The following SND1 variants were observed in gnomAD, a reference collection of about 807,000 sequenced individuals.
The protein encoded by SND1 is staphylococcal nuclease and tudor domain containing 1.
Under a neutral mutation model 121.7 loss-of-function variants are expected in SND1, and 38 were observed. The ratio of observed to expected loss-of-function variants is 0.31; its 90% CI spans 0.24 to 0.41. SND1 has a LOEUF of 0.41. SND1 is among the 10% of genes least tolerant of loss of function. The pLI, the probability that SND1 is intolerant of heterozygous loss-of-function variation, is 1.00. For synonymous variants in SND1, 401 were observed against 447.4 expected (o/e 0.90, Z 1.31); for missense variants, 868 against 1,184.6 (o/e 0.73, Z 3.92).
In SND1 at chr7:127,764,972, G is replaced by A. The variant is rs937766457; in HGVS notation, c.1153-42512G>A. 3.3e-5 allele frequency among the ~76,000 whole-genome samples: 5 copies of A among 152,128 alleles called. No individual in the cohort carries two copies. The East Asian group carries it at 5.8e-4, about 18-fold the overall frequency. The stretch of plus-strand genomic sequence containing the variant: ...TGGTTTCCCCCTTGAATAGAGATGG[G>A]GGTTGGTGTCGCTGTTGATGAATGG... On this transcript the variant is annotated intron_variant, in intron 10 of 23. Transcript: ENST00000354725.
intron 12 of SND1, among the ~76,000 whole-genome samples, chr7:127,871,407 C>G (rs768550556): frequency 2.0e-5 from 3 of 152,126 alleles, no homozygotes; most frequent in Non-Finnish European, 2.9e-5. Flanking sequence ...CCAGCATCAC[C>G]ACAAACTTGT....
chr7:127,976,211 C>T (rs1040171934), intron 15 of SND1, among the ~76,000 whole-genome samples: 1 of 152,194 alleles, frequency 6.6e-6, no homozygotes, highest in Non-Finnish European at 1.5e-5. Context: ...GTAATCAGTC[C>T]TCGCCACTCC....
intron 10 of SND1, among the ~76,000 whole-genome samples, chr7:127,803,244 T>C (rs548616092): frequency 3.3e-4 from 50 of 152,276 alleles, no homozygotes; most frequent in Non-Finnish European, 4.9e-4. Context: ...GAGTTTTTGA[T>C]AAAATCAATC....
intron 10 of SND1, among the ~76,000 whole-genome samples, chr7:127,758,254 A>T (rs756733481): frequency 6.6e-6 from 1 of 152,222 alleles, no homozygotes; most frequent in Non-Finnish European, 1.5e-5. Context: ...CAAACAAGGA[A>T]ATCAAAGCTC....
intron 12 of SND1, among the ~76,000 whole-genome samples, chr7:127,885,635 G>T (rs1187466421): frequency 6.6e-6 from 1 of 152,058 alleles, no homozygotes; most frequent in Non-Finnish European, 1.5e-5. Context: ...GGCCAGGCAG[G>T]TACTCAGTAA....
At chr7:128,007,625 G>A (rs949578309) in intron 16 of SND1, among the ~76,000 whole-genome samples, 1 of 152,204 alleles carries the variant, frequency 6.6e-6, no homozygotes, top group African/African-American at 2.4e-5. Flanking sequence ...GATGGAAGAA[G>A]GCAAAGCAAA....
chr7:127,769,550 T>A (rs773052675), intron 10 of SND1, among the ~76,000 whole-genome samples: 1 of 152,190 alleles, frequency 6.6e-6, no homozygotes, highest in Non-Finnish European at 1.5e-5. Context: ...CTGGTTTCTC[T>A]CTGTTACTTA....
At chr7:127,991,586 C>A (rs1802525705) in intron 16 of SND1, among the ~76,000 whole-genome samples, 1 of 152,198 alleles carries the variant, frequency 6.6e-6, no homozygotes, top group Non-Finnish European at 1.5e-5. Context: ...AAGCCTTCAT[C>A]AACAGATCCA....
At chr7:127,979,472 C>T (rs574068838) in intron 15 of SND1, among the ~76,000 whole-genome samples, 8 of 152,166 alleles carry the variant, frequency 5.3e-5, no homozygotes, top group Non-Finnish European at 1.0e-4. Context: ...AGCAGGGGTA[C>T]GAGCTGGAGT....
chr7:127,677,521 A>G (rs1276276236), intron 1 of SND1, among the ~76,000 whole-genome samples: 2 of 152,132 alleles, frequency 1.3e-5, no homozygotes, highest in Non-Finnish European at 2.9e-5. Context: ...TTTTCATCTC[A>G]CTCGCTTGTC....
intron 10 of SND1, among the ~76,000 whole-genome samples, chr7:127,745,030 A>G (rs1157481032): frequency 6.6e-6 from 1 of 152,226 alleles, no homozygotes; most frequent in Non-Finnish European, 1.5e-5. Context: ...TTAAACTATA[A>G]AAATAATACC....
At chr7:127,734,152 T>C in intron 10 of SND1, among the ~76,000 whole-genome samples, 1 of 152,120 alleles carries the variant, frequency 6.6e-6, no homozygotes, top group Non-Finnish European at 1.5e-5. Context: ...CAGTAATATC[T>C]CTGCAATTTC....
chr7:128,005,449 G>A (rs563076391), intron 16 of SND1, among the ~76,000 whole-genome samples: 2 of 152,294 alleles, frequency 1.3e-5, no homozygotes, highest in East Asian at 1.9e-4. Context: ...GCCCCCTTGT[G>A]TTTCTGTAAT....
intron 13 of SND1, among the ~76,000 whole-genome samples, chr7:127,889,002 G>C (rs147778593): frequency 6.6e-6 from 1 of 152,034 alleles, no homozygotes; most frequent in Non-Finnish European, 1.5e-5. Flanking sequence ...CTCTAACACC[G>C]TGTCACATCC....
chr7:127,999,349 T>C (rs1047643778), intron 16 of SND1: 10 of 151,842 alleles, frequency 6.6e-5, no homozygotes, highest in Non-Finnish European at 1.0e-4. Flanking sequence ...GTTTTATGTT[T>C]TCTCTGTCAG....
At chr7:127,753,799 T>G (rs1170217752) in intron 10 of SND1, among the ~76,000 whole-genome samples, 1 of 152,208 alleles carries the variant, frequency 6.6e-6, no homozygotes, top group Non-Finnish European at 1.5e-5. Context: ...AAATTTGTCT[T>G]TACTACTGAA....
intron 10 of SND1, among the ~76,000 whole-genome samples, chr7:127,748,693 T>C (rs1244832279): frequency 6.6e-6 from 1 of 152,198 alleles, no homozygotes; most frequent in Non-Finnish European, 1.5e-5. Context: ...ACTACATGAA[T>C]TGGTCTGTTA....
chr7:127,829,192 A>C (rs2116620420), intron 11 of SND1, among the ~76,000 whole-genome samples: 1 of 152,294 alleles, frequency 6.6e-6, no homozygotes, highest in Non-Finnish European at 1.5e-5. Flanking sequence ...ATGAGGGAAA[A>C]GCCTGTAGGG....
chr7:128,063,428 A>T (rs1424777950), intron 16 of SND1, among the ~76,000 whole-genome samples: 1 of 152,198 alleles, frequency 6.6e-6, no homozygotes, highest in Admixed American at 6.5e-5. Flanking sequence ...GGGTCCCACA[A>T]GCATGCTTGT....
Sources: allele counts gnomAD v4.1 joint callset (sites outside exome capture counted in the v4.1 genomes callset), GRCh38; gene constraint gnomAD v4.1.1; transcripts MANE v1.5; gene names NCBI Gene and HGNC (gene_info 2026-07-23, HGNC 2026-07-21).